Variants in ITPR1 observed in about 807,000 individuals in gnomAD.
ITPR1 encodes inositol 1,4,5-trisphosphate-gated calcium channel ITPR1.
In ITPR1, 96 loss-of-function variants were observed where a neutral mutation model predicts 318.4. The ratio of observed to expected loss-of-function variants is 0.30; its 90% CI spans 0.26 to 0.36. ITPR1 has a LOEUF of 0.36. Among genes scored for constraint, ITPR1 ranks in the 10% least tolerant of loss-of-function variants. The pLI, the probability that ITPR1 is intolerant of heterozygous loss-of-function variation, is 1.00. For synonymous variants in ITPR1, 1,312 were observed against 1,289.9 expected, an observed-to-expected ratio of 1.02 and a Z score of -0.37; for missense variants, 2,440 against 3,460.2, an observed-to-expected ratio of 0.71 and a Z score of 7.40.
intron 4 of ITPR1, among the ~76,000 whole-genome samples, chr3:4,558,453 CAA>C (rs2086354548): frequency 1.3e-5 from 2 of 151,884 alleles, no homozygotes; most frequent in Non-Finnish European, 2.9e-5. Flanking sequence ...TAATCAACCT[CAA>C]TGATATGAAA....
intron 4 of ITPR1, among the ~76,000 whole-genome samples, chr3:4,612,351 C>T (rs1054764531): frequency 5.3e-5 from 8 of 152,030 alleles, no homozygotes; most frequent in South Asian, 2.1e-4. Flanking sequence ...CGTGAGCTGC[C>T]GCACCTGGCC....
At chr3:4,635,483 G>A (rs1473274500) in intron 5 of ITPR1, among the ~76,000 whole-genome samples, 2 of 152,050 alleles carry the variant, frequency 1.3e-5, no homozygotes, top group African/African-American at 4.8e-5. Flanking sequence ...TGGGACTACA[G>A]GTGCCCGCCA....
At chr3:4,570,998 A>G (rs1333093638) in intron 4 of ITPR1, among the ~76,000 whole-genome samples, 1 of 152,154 alleles carries the variant, frequency 6.6e-6, no homozygotes, top group Admixed American at 6.5e-5. Flanking sequence ...AGGTGACTGA[A>G]TGACTTGGCT....
rs1491470015 is a variant in ITPR1, at chr3:4,847,408, AAC to A, written c.*1185_*1186del. 12 of 152,378 alleles carry A rather than the reference AAC, an allele frequency of 7.9e-5. No individual in the cohort carries two copies. The highest frequency in any genetic ancestry group is 2.1e-4 in the South Asian group (1 of 4,824). The allele number at this position is 152,378 out of a possible 1,614,324, so 9.4% of individuals were successfully genotyped here. ...AGAATCTCTCTGCAAAAAAAAAAAA[AAC>A]AGTTTAAAAATGCATTGAAAGCAGA... is the stretch of plus-strand genomic sequence containing the variant. On this transcript the variant is annotated 3_prime_UTR_variant, in exon 62 of 62. Coordinates refer to ENST00000649015, the MANE Select transcript of ITPR1 (RefSeq NM_001378452.1).
At chr3:4,540,558 G>A (rs1415308632) in intron 4 of ITPR1, among the ~76,000 whole-genome samples, 5 of 151,636 alleles carry the variant, frequency 3.3e-5, no homozygotes, top group Non-Finnish European at 7.4e-5. Flanking sequence ...AAGTTTCATC[G>A]AAGGCTTTTG....
chr3:4,770,423 A>G (rs1045331971), intron 46 of ITPR1, among the ~76,000 whole-genome samples: 3 of 152,192 alleles, frequency 2.0e-5, no homozygotes, highest in African/African-American at 4.8e-5. Context: ...AAGAACCTCA[A>G]CTTTGAAAAA....
intron 44 of ITPR1, among the ~76,000 whole-genome samples, chr3:4,759,562 G>A (rs116455394): frequency 6.2e-4 from 94 of 152,320 alleles, no homozygotes; most frequent in African/African-American, 2.2e-3. Context: ...AATGTGGAAG[G>A]ATGGACGACA....
chr3:4,668,061 T>C (rs1293899406), intron 18 of ITPR1, among the ~76,000 whole-genome samples: 1 of 152,174 alleles, frequency 6.6e-6, no homozygotes, highest in Admixed American at 6.5e-5. Context: ...TTATTTTTTG[T>C]TACAAAGAAT....
chr3:4,831,169 T>TGTCTCTCTCC (rs1491086804), intron 60 of ITPR1: 1 of 268,778 alleles, frequency 3.7e-6, no homozygotes, highest in Non-Finnish European at 6.9e-6. Flanking sequence ...TCCCTCTCTC[T>TGTCTCTCTCC]GTCTCTCTCC....
At chr3:4,658,395 G>T (rs2093759896) in intron 13 of ITPR1, 117 bp downstream of exon 13, 1 of 923,700 alleles carries the variant, frequency 1.1e-6, no homozygotes, top group Non-Finnish European at 1.6e-6. Flanking sequence ...TAAAGGATTT[G>T]GTGAAAGGTT....
chr3:4,771,667 G>A (rs747804875), intron 46 of ITPR1, among the ~76,000 whole-genome samples: 29 of 152,050 alleles, frequency 1.9e-4, no homozygotes, highest in East Asian at 1.9e-4. Context: ...TCCAAAACTC[G>A]TTCCTCAGTG....
At chr3:4,611,545 G>A (rs1219164831) in intron 4 of ITPR1, among the ~76,000 whole-genome samples, 6 of 130,940 alleles carry the variant, frequency 4.6e-5, no homozygotes, top group African/African-American at 1.8e-4. Context: ...GGGTGACAGA[G>A]CGAGACTCTC....
intron 4 of ITPR1, among the ~76,000 whole-genome samples, chr3:4,598,429 G>A (rs1023148963): frequency 1.3e-5 from 2 of 152,128 alleles, no homozygotes; most frequent in Non-Finnish European, 2.9e-5. Flanking sequence ...AGACCAGCCT[G>A]GGCAATGCAG....
intron 44 of ITPR1, among the ~76,000 whole-genome samples, chr3:4,757,890 C>T (rs531256204): frequency 2.2e-3 from 328 of 152,228 alleles, no homozygotes; most frequent in African/African-American, 7.6e-3. Context: ...TAGCCACTGG[C>T]GTTGCTCTGT....
At chr3:4,742,192 T>C (rs898834228) in intron 44 of ITPR1, among the ~76,000 whole-genome samples, 26 of 152,298 alleles carry the variant, frequency 1.7e-4, no homozygotes, top group African/African-American at 5.1e-4. Context: ...GACCACAATA[T>C]TTGTGCTGGA....
Position 4,814,424 on chromosome 3 carries a change from G to A in ITPR1, c.7563G>A (p.Glu2521=), listed in dbSNP as rs1453612837. Residue 2521 remains glutamate (E), a splice_region_variant and synonymous_variant, in exon 58 of 62, where the codon GAG becomes GAA. Coordinates refer to ENST00000649015, the MANE Select transcript of ITPR1 (RefSeq NM_001378452.1). The part of the protein sequence containing the change: ...ENCSSPAPRE[E]LVPAEETEQD... ...TGTTGTTACTTGCCGTGTTCACAGA[G>A]CTGGTCCCTGCAGAAGAGACGGAAC... 1 of 1,613,932 alleles carries A rather than the reference G, an allele frequency of 6.2e-7. No individual in the cohort carries two copies. Among genetic ancestry groups the A allele is most frequent in the Non-Finnish European group, 8.5e-7 (1 of 1,179,864 alleles).
At chr3:4,510,926 C>T (rs2081770316) in intron 2 of ITPR1, among the ~76,000 whole-genome samples, 1 of 152,128 alleles carries the variant, frequency 6.6e-6, no homozygotes, top group Non-Finnish European at 1.5e-5. Flanking sequence ...GGCAAGGGCC[C>T]TGTGGCAGGG....
intron 4 of ITPR1, among the ~76,000 whole-genome samples, chr3:4,587,269 T>C (rs998408216): frequency 7.2e-6 from 1 of 138,242 alleles, no homozygotes; most frequent in Non-Finnish European, 1.5e-5. Context: ...ACACTTCTCA[T>C]GGTTTTTTTT....
In ITPR1 at chr3:4,535,028, G is replaced by A. The variant is rs78696619; in HGVS notation, c.163+13934G>A. Among the ~76,000 whole-genome samples, 910 of 151,896 alleles carry A rather than the reference G, an allele frequency of 6.0e-3. 9 individuals are homozygous for A. The highest frequency in any genetic ancestry group is 0.014 in the Middle Eastern group (4 of 292). On this transcript the variant is annotated intron_variant, in intron 4 of 61. Coordinates refer to ENST00000649015, the MANE Select transcript of ITPR1 (RefSeq NM_001378452.1). ...TACAGTTAGAAAGAACCAGCTAATC[G>A]GTTTTCTAAAATTAGTGTTCTCTAG...
Sources: gnomAD v4.1 joint callset for allele counts (sites outside exome capture counted in the v4.1 genomes callset) on GRCh38, gnomAD v4.1.1 for gene constraint, MANE v1.5 for transcripts, NCBI Gene and HGNC (gene_info 2026-07-23, HGNC 2026-07-21) for gene names.